Variants in ST6GALNAC3 observed in about 807,000 individuals in gnomAD.
ST6GALNAC3 encodes the protein ST6 N-acetylgalactosaminide alpha-2,6-sialyltransferase 3.
A neutral mutation model predicts 32.7 loss-of-function variants in ST6GALNAC3; 25 were observed. The observed-to-expected ratio is 0.76, with a 90% CI of 0.56 to 1.07. ST6GALNAC3 has a LOEUF of 1.07. ST6GALNAC3 is among the 50% of genes least tolerant of loss of function. The pLI is 0.00. For missense variants in ST6GALNAC3, 355 were observed against 382.4 expected, an observed-to-expected ratio of 0.93 and a Z score of 0.60; for synonymous variants, 129 against 133.1, an observed-to-expected ratio of 0.97 and a Z score of 0.21.
At chr1:76,290,925 C>G (rs561758527) in intron 1 of ST6GALNAC3, among the ~76,000 whole-genome samples, 19 of 152,190 alleles carry the variant, frequency 1.2e-4, no homozygotes. Context: ...ACCTATTTAC[C>G]GAGCGAGCTG....
chr1:76,361,985 A>AAAAC (rs1167038893), intron 2 of ST6GALNAC3, among the ~76,000 whole-genome samples: 10 of 65,196 alleles, frequency 1.5e-4, no homozygotes, highest in African/African-American at 4.2e-4. Flanking sequence ...ATCAAAAAAA[A>AAAAC]AAAAAAAAGA....
At chr1:76,143,479 C>G (rs1650474651) in intron 1 of ST6GALNAC3, among the ~76,000 whole-genome samples, 1 of 150,920 alleles carries the variant, frequency 6.6e-6, no homozygotes, top group Admixed American at 6.6e-5. Flanking sequence ...ACAGTGTAGA[C>G]AAGCTTACAG....
rs373587290 is a variant in ST6GALNAC3, at chr1:76,486,875, T to C, written c.623+74458T>C. ...GCAGTGGCTCGTACCGGTTGTTCCT[T>C]TCCATGTTTAGTGCTTCCTTCAGGA... is the stretch of plus-strand genomic sequence containing the variant. On this transcript the variant is annotated intron_variant, in intron 3 of 4. Transcript: ENST00000328299. Among the ~76,000 whole-genome samples the C allele has an allele frequency of 1.6e-4, 24 of 152,304 alleles. No homozygotes were observed. The East Asian group carries it at 4.4e-3, about 28-fold the overall frequency.
intron 2 of ST6GALNAC3, among the ~76,000 whole-genome samples, chr1:76,325,374 G>A (rs1647048309): frequency 6.6e-6 from 1 of 152,092 alleles, no homozygotes; most frequent in Admixed American, 6.5e-5. Flanking sequence ...GAACAGCTGT[G>A]CAAGTCAGTG....
At chr1:76,144,347 AAACT>A (rs749401016) in intron 1 of ST6GALNAC3, among the ~76,000 whole-genome samples, 2 of 152,240 alleles carry the variant, frequency 1.3e-5, no homozygotes, top group Non-Finnish European at 2.9e-5. Context: ...GTTTCTTTCC[AAACT>A]AACAGTTAAG....
rs569250532 is a variant in ST6GALNAC3, at chr1:76,509,993, GA to G, written c.623+97583del. Among the ~76,000 whole-genome samples, 1 of 151,912 alleles carries G rather than the reference GA, an allele frequency of 6.6e-6. No homozygotes were observed. Among genetic ancestry groups the G allele is most frequent in the Non-Finnish European group, 1.5e-5 (1 of 67,970 alleles). ...GAGCTATTATTCTATCTAACACAGGGAAAAAAAGGATTTTCTCAGTCCTTTA... is the reference window on the plus strand; with the variant it reads ...GAGCTATTATTCTATCTAACACAGGGAAAAAAGGATTTTCTCAGTCCTTTA... On this transcript the variant is annotated intron_variant, in intron 3 of 4. Coordinates refer to ENST00000328299, the MANE Select transcript of ST6GALNAC3 (RefSeq NM_152996.4). This position sits in a 1 kb window ranked among gnomAD's most constrained non-coding sequence, Gnocchi z 5.5.
At chr1:76,480,272 T>G (rs752079031) in intron 3 of ST6GALNAC3, among the ~76,000 whole-genome samples, 1 of 152,298 alleles carries the variant, frequency 6.6e-6, no homozygotes, top group Middle Eastern at 3.4e-3. Flanking sequence ...CCAGATAAAT[T>G]AGAATCTCCA....
At chr1:76,523,415 A>G (rs377017541) in intron 3 of ST6GALNAC3, among the ~76,000 whole-genome samples, 4 of 152,292 alleles carry the variant, frequency 2.6e-5, no homozygotes, top group African/African-American at 9.6e-5. Flanking sequence ...ATTTTAATAA[A>G]TGCAGAACAC....
chr1:76,386,908 A>C (rs1166523900), intron 2 of ST6GALNAC3, among the ~76,000 whole-genome samples: 1 of 152,092 alleles, frequency 6.6e-6, no homozygotes, highest in Non-Finnish European at 1.5e-5. Flanking sequence ...TAAAAAGTTA[A>C]ACATGGAAGT....
chr1:76,146,619 G>A (rs1468518097), intron 1 of ST6GALNAC3, among the ~76,000 whole-genome samples: 1 of 151,966 alleles, frequency 6.6e-6, no homozygotes, highest in African/African-American at 2.4e-5. Context: ...CCAATTTGTA[G>A]GATTTTTTCT....
intron 2 of ST6GALNAC3, among the ~76,000 whole-genome samples, chr1:76,347,053 C>T (rs565198524): frequency 6.7e-6 from 1 of 148,314 alleles, no homozygotes; most frequent in African/African-American, 2.4e-5. Flanking sequence ...TGTCATGCCA[C>T]AGCATTGTCT....
At chr1:76,407,112 A>G (rs1169422254) in intron 2 of ST6GALNAC3, among the ~76,000 whole-genome samples, 1 of 152,030 alleles carries the variant, frequency 6.6e-6, no homozygotes, top group Non-Finnish European at 1.5e-5. Flanking sequence ...CAAAATGTCG[A>G]GATTCATTTT....
At chr1:76,385,831 CT>C (rs1652054025) in intron 2 of ST6GALNAC3, among the ~76,000 whole-genome samples, 1 of 152,008 alleles carries the variant, frequency 6.6e-6, no homozygotes, top group South Asian at 2.1e-4. Flanking sequence ...TTAAGTAGAG[CT>C]GCATAAATTA....
At chr1:76,346,314 C>T (rs1019282299) in intron 2 of ST6GALNAC3, among the ~76,000 whole-genome samples, 8 of 152,100 alleles carry the variant, frequency 5.3e-5, no homozygotes, top group African/African-American at 1.7e-4. Context: ...GCCAGGTTTC[C>T]AACAGAGCTG....
intron 3 of ST6GALNAC3, among the ~76,000 whole-genome samples, chr1:76,616,540 A>T (rs1648302765): frequency 6.6e-6 from 1 of 152,170 alleles, no homozygotes; most frequent in Non-Finnish European, 1.5e-5. Flanking sequence ...GCCTGCCTTG[A>T]TATGTTGATG....
intron 1 of ST6GALNAC3, among the ~76,000 whole-genome samples, chr1:76,183,938 A>G (rs114930258): frequency 0.015 from 2,218 of 149,204 alleles, 44 homozygotes; most frequent in African/African-American, 0.046. Context: ...ATATATACAT[A>G]TACATAAATA....
At chr1:76,108,128 A>G (rs571428392) in intron 1 of ST6GALNAC3, among the ~76,000 whole-genome samples, 1 of 152,346 alleles carries the variant, frequency 6.6e-6, no homozygotes, top group East Asian at 1.9e-4. Context: ...TGGCACCACC[A>G]GTCTCTCACT....
intron 2 of ST6GALNAC3, among the ~76,000 whole-genome samples, chr1:76,320,501 A>T (rs2100919697): frequency 6.6e-6 from 1 of 152,152 alleles, no homozygotes; most frequent in African/African-American, 2.4e-5. Context: ...TACCCCTGAC[A>T]TGGACACAAC....
rs941915586 is a variant in ST6GALNAC3 at position 76,630,204 on chromosome 1, T to A, written c.*1398T>A. 1 of 985,108 alleles carries A rather than the reference T, an allele frequency of 1.0e-6. No homozygotes were observed. Among genetic ancestry groups the A allele is most frequent in the African/African-American group, 1.7e-5 (1 of 57,196 alleles). 61.0% of individuals were successfully genotyped at this position (985,108 alleles called of 1,614,324 possible). On this transcript the variant is annotated 3_prime_UTR_variant, in exon 5 of 5. Coordinates refer to ENST00000328299, the MANE Select transcript of ST6GALNAC3 (RefSeq NM_152996.4). ...AGAATTTATGTAAACTAGTAACCAG[T>A]TGATCTCTGTGCCAAATACATTATA...
Sources: gnomAD v4.1 joint callset for allele counts (sites outside exome capture counted in the v4.1 genomes callset) on GRCh38, gnomAD v4.1.1 for gene constraint, Gnocchi (gnomAD v3.1) non-coding constraint, MANE v1.5 for transcripts, NCBI Gene and HGNC (gene_info 2026-07-23, HGNC 2026-07-21) for gene names.